The following C8orf34 variants were observed in gnomAD, a reference collection of about 807,000 sequenced individuals.
C8orf34 encodes the protein chromosome 8 open reading frame 34.
Under a neutral mutation model 68.3 loss-of-function variants are expected in C8orf34, and 65 were observed. The observed-to-expected ratio is 0.95, with a 90% confidence interval of 0.78 to 1.17. The LOEUF (loss-of-function observed/expected upper bound fraction) is 1.17. Ranked by LOEUF, C8orf34 falls within the 50% of genes most tolerant of loss-of-function variation. C8orf34 has a pLI of 0.00. For missense variants in C8orf34, 664 were observed against 655.4 expected, an observed-to-expected ratio of 1.01 and a Z score of -0.14; for synonymous variants, 244 against 241.2, an observed-to-expected ratio of 1.01 and a Z score of -0.11.
At chr8:68,694,675 G>A (rs544894795) in intron 8 of C8orf34, among the ~76,000 whole-genome samples, 55 of 151,906 alleles carry the variant, frequency 3.6e-4, no homozygotes, top group Non-Finnish European at 5.9e-4. Context: ...GAATAGGAAC[G>A]AATAGTGAAA....
intron 7 of C8orf34, among the ~76,000 whole-genome samples, chr8:68,624,466 G>A (rs2130656053): frequency 6.6e-6 from 1 of 152,186 alleles, no homozygotes; most frequent in East Asian, 1.9e-4. Context: ...CTGACCCTTA[G>A]CTCTAAATTT....
At chr8:68,727,206 T>C (rs759497443) in intron 10 of C8orf34, among the ~76,000 whole-genome samples, 28 of 151,982 alleles carry the variant, frequency 1.8e-4, no homozygotes, top group Non-Finnish European at 3.4e-4. Context: ...AACAAAGGGG[T>C]TACAGGGCCC....
At position 68,818,407 on chromosome 8, in the gene C8orf34, T is replaced by C. The variant is rs969562461; in HGVS notation, c.*161T>C. 25 of 759,722 alleles carry C rather than the reference T, an allele frequency of 3.3e-5. No homozygotes were observed. The highest frequency in any genetic ancestry group is 5.2e-5 in the Non-Finnish European group (24 of 464,648). The allele number at this position is 759,722 out of a possible 1,614,324, so 47.1% of individuals were successfully genotyped here. ...CTATCGTAGCCAGGGGGTGCCCAAG[T>C]ATGTAATCAGAGAACACTAATCCTG... On this transcript the variant is annotated 3_prime_UTR_variant, in exon 14 of 14. Coordinates refer to ENST00000518698, the MANE Select transcript of C8orf34 (RefSeq NM_052958.4).
chr8:68,758,590 G>T (rs937786985), intron 10 of C8orf34, among the ~76,000 whole-genome samples: 4 of 151,906 alleles, frequency 2.6e-5, no homozygotes. Flanking sequence ...CTCTAATTAA[G>T]CTTTTCAAGT....
intron 9 of C8orf34, among the ~76,000 whole-genome samples, chr8:68,719,107 C>T (rs2129526373): frequency 6.6e-6 from 1 of 152,232 alleles, no homozygotes; most frequent in East Asian, 1.9e-4. Context: ...ACTTAGAACA[C>T]ATAAACAATG....
intron 5 of C8orf34, among the ~76,000 whole-genome samples, chr8:68,489,422 TG>T (rs750825275): frequency 6.6e-6 from 1 of 152,218 alleles, no homozygotes; most frequent in Non-Finnish European, 1.5e-5. Context: ...GAATTTCAGG[TG>T]TTTTTTTGGA....
At chr8:68,426,884 C>G (rs919283526) in intron 1 of C8orf34, among the ~76,000 whole-genome samples, 3 of 151,470 alleles carry the variant, frequency 2.0e-5, no homozygotes, top group Non-Finnish European at 4.4e-5. Flanking sequence ...AAAACCAAAC[C>G]AAACCAAACC....
Position 68,533,573 on chromosome 8 carries a change from T to C in C8orf34, c.1105+424T>C, listed in dbSNP as rs1815340600. ...TTATTTTGAGGATGCTTTAGAAAAA[T>C]AGAATAAAGTTGAAAGGGGCAGATA... On this transcript the variant is annotated intron_variant, in intron 7 of 13. Coordinates refer to ENST00000518698, the MANE Select transcript of C8orf34 (RefSeq NM_052958.4). The C allele has an allele frequency of 5.1e-6, 5 of 985,966 alleles. No homozygotes were observed. The South Asian group carries it at 2.3e-4, about 46-fold the overall frequency. 61.1% of individuals were successfully genotyped at this position (985,966 alleles called of 1,614,324 possible). A position where few individuals can be genotyped will look rare whatever the true frequency, so the allele number is the denominator to read the frequency against.
At chr8:68,352,430 A>T (rs774586209) in intron 1 of C8orf34, among the ~76,000 whole-genome samples, 7 of 147,850 alleles carry the variant, frequency 4.7e-5, no homozygotes, top group Non-Finnish European at 1.0e-4. Flanking sequence ...TTCTTTTTAG[A>T]AAATGTAGAC....
rs569492952 is a variant in C8orf34 at position 68,705,805 on chromosome 8, A to G, written c.1242-3189A>G. ...GGAAATGATAGTGGGAAAAAAAAAC[A>G]GAAAAAATACTGGTTGGGGGGTGAT... On this transcript the variant is annotated intron_variant, in intron 8 of 13. Coordinates refer to ENST00000518698, the MANE Select transcript of C8orf34 (RefSeq NM_052958.4). Among the ~76,000 whole-genome samples, 3 of 152,256 alleles carry G rather than the reference A, an allele frequency of 2.0e-5. No individual in the cohort carries two copies. The South Asian group carries it at 6.2e-4, about 32-fold the overall frequency.
chr8:68,419,873 A>G (rs1334346310), intron 1 of C8orf34, among the ~76,000 whole-genome samples: 1 of 149,812 alleles, frequency 6.7e-6, no homozygotes, highest in Admixed American at 6.6e-5. Flanking sequence ...GATATACCTA[A>G]TGCGAGATGA....
intron 1 of C8orf34, among the ~76,000 whole-genome samples, chr8:68,413,343 ATCTT>A (rs1412789882): frequency 6.6e-6 from 1 of 152,222 alleles, no homozygotes; most frequent in Non-Finnish European, 1.5e-5. Flanking sequence ...GAGCAGAAGT[ATCTT>A]TCTATTTTGT....
At chr8:68,509,331 C>G (rs554676764) in intron 5 of C8orf34, among the ~76,000 whole-genome samples, 5 of 152,242 alleles carry the variant, frequency 3.3e-5, no homozygotes, top group African/African-American at 1.2e-4. Flanking sequence ...TGTATCAAAG[C>G]AAAACAAGGG....
At chr8:68,340,016 G>T (rs879488527) in intron 1 of C8orf34, among the ~76,000 whole-genome samples, 11 of 152,058 alleles carry the variant, frequency 7.2e-5, no homozygotes, top group Admixed American at 2.0e-4. Flanking sequence ...GGCAAAGTAA[G>T]GGAATGAATA....
chr8:68,677,508 G>T (rs1410919036), intron 8 of C8orf34, among the ~76,000 whole-genome samples: 4 of 152,042 alleles, frequency 2.6e-5, no homozygotes. Context: ...ACAAGCATGT[G>T]TCACCACACA....
intron 3 of C8orf34, among the ~76,000 whole-genome samples, chr8:68,457,522 T>C (rs550609276): frequency 2.0e-5 from 3 of 152,224 alleles, no homozygotes; most frequent in Non-Finnish European, 4.4e-5. Context: ...ATATAGGCAG[T>C]ATCTCAAATG....
chr8:68,532,380 G>A (rs1186468887), intron 6 of C8orf34, among the ~76,000 whole-genome samples: 1 of 152,136 alleles, frequency 6.6e-6, no homozygotes, highest in Non-Finnish European at 1.5e-5. Context: ...TAATAAAACA[G>A]TCTGCTGAAT....
At chr8:68,742,269 G>A (rs972539624) in intron 10 of C8orf34, among the ~76,000 whole-genome samples, 2 of 152,134 alleles carry the variant, frequency 1.3e-5, no homozygotes, top group African/African-American at 2.4e-5. Flanking sequence ...TTCCTTTGCT[G>A]CTAATGTCCA....
At position 68,733,680 on chromosome 8, in the gene C8orf34, T is replaced by G. The variant is rs545315945; in HGVS notation, c.1404+12243T>G. ...CATCAGCTTCTAGAGATTATTTAGT[T>G]TGCTTATACAGAAAGTATTTCATCT... is the stretch of plus-strand genomic sequence containing the variant. On this transcript the variant is annotated intron_variant, in intron 10 of 13. Coordinates refer to ENST00000518698, the MANE Select transcript of C8orf34 (RefSeq NM_052958.4). Among the ~76,000 whole-genome samples, 11 of 152,324 alleles carry G rather than the reference T, an allele frequency of 7.2e-5. No individual in the cohort carries two copies. In the East Asian group the frequency reaches 1.9e-3, roughly 27 times the overall value.
Sources: allele counts gnomAD v4.1 joint callset (sites outside exome capture counted in the v4.1 genomes callset), GRCh38; gene constraint gnomAD v4.1.1; transcripts MANE v1.5; gene names NCBI Gene and HGNC (gene_info 2026-07-23, HGNC 2026-07-21).